ADAMTS2: variants seen among roughly 807,000 people sequenced by gnomAD.
ADAMTS2 encodes ADAM metallopeptidase with thrombospondin type 1 motif 2.
ADAMTS2 carries 50 observed loss-of-function variants against 123.0 expected under a neutral mutation model. The ratio of observed to expected loss-of-function variants is 0.41; its 90% CI spans 0.32 to 0.51. The LOEUF (loss-of-function observed/expected upper bound fraction) is 0.51, where lower values mean the gene tolerates loss of function less well. ADAMTS2 is among the 20% of genes least tolerant of loss of function. The pLI, the probability that ADAMTS2 is intolerant of heterozygous loss-of-function variation, is 0.35. For synonymous variants in ADAMTS2, 678 were observed against 695.4 expected, an observed-to-expected ratio of 0.98 and a Z score of 0.39; for missense variants, 1,494 against 1,705.2, an observed-to-expected ratio of 0.88 and a Z score of 2.18.
Position 179,242,844 on chromosome 5 carries a change from G to A in ADAMTS2, c.688+30067C>T, listed in dbSNP as rs1180271091. Reference sequence around the variant, plus strand: ...CATCTCCAACTCCCAGTGACAGAGGGTAACTCCCTGCTGAGTGTGACCGAA... The same window carrying A: ...CATCTCCAACTCCCAGTGACAGAGGATAACTCCCTGCTGAGTGTGACCGAA... On this transcript the variant is annotated intron_variant, in intron 3 of 21. Coordinates refer to ENST00000251582, the MANE Select transcript of ADAMTS2 (RefSeq NM_014244.5). This position sits in a 1 kb window ranked among gnomAD's most constrained non-coding sequence, Gnocchi z 4.2. Among the ~76,000 whole-genome samples the A allele has an allele frequency of 6.6e-6, 1 of 152,176 alleles. No homozygotes were observed. Among genetic ancestry groups the A allele is most frequent in the African/African-American group, 2.4e-5 (1 of 41,436 alleles).
At position 179,126,145 on chromosome 5, in the gene ADAMTS2, C is replaced by A; in HGVS notation, c.2618-15G>T. ...GAACTGGGACCCTGAAGGCAGAGAG[C>A]TCGACGGGGGTCGGTGGGGCAGCAT... On this transcript the variant is annotated splice_polypyrimidine_tract_variant and intron_variant, in intron 17 of 21. Coordinates refer to ENST00000251582, the MANE Select transcript of ADAMTS2 (RefSeq NM_014244.5). 6.2e-7 allele frequency: 1 copy of A among 1,613,060 alleles called. No homozygotes were observed. Among genetic ancestry groups the A allele is most frequent in the South Asian group, 1.1e-5 (1 of 91,084 alleles).
chr5:179,158,853 G>A lies in ADAMTS2; in HGVS notation c.1002C>T (p.Asn334=), dbSNP rs766934969. The A allele has an allele frequency of 6.2e-7, 1 of 1,614,180 alleles. No individual in the cohort carries two copies. Among genetic ancestry groups the A allele is most frequent in the Non-Finnish European group, 8.5e-7 (1 of 1,180,040 alleles). ...GKSMSLIEIG[N]PSQSLENVCR... is the part of the protein sequence containing the mutation. ...AGACATTCTCCAGGCTCTGAGAGGG[G>A]TTCCCGATCTCGATGAGGCTCATGG... is the stretch of plus-strand genomic sequence containing the variant. The change falls in exon 6 of 22, where the codon AAC becomes AAT. Residue 334 remains asparagine, a synonymous_variant. Coordinates refer to ENST00000251582, the MANE Select transcript of ADAMTS2 (RefSeq NM_014244.5). The surrounding 1 kb of genome is among the most constrained non-coding windows in gnomAD (Gnocchi z 5.0).
At chr5:179,148,041 T>C (rs1234314289) in intron 10 of ADAMTS2, among the ~76,000 whole-genome samples, 1 of 152,070 alleles carries the variant, frequency 6.6e-6, no homozygotes, top group African/African-American at 2.4e-5. Flanking sequence ...CGACTTCTGC[T>C]TCCCTCCCAA....
At position 179,207,631 on chromosome 5, in the gene ADAMTS2, C is replaced by A. The variant is rs1057524562; in HGVS notation, c.773G>T (p.Arg258Leu). 6.2e-7 allele frequency: 1 copy of A among 1,613,812 alleles called. No homozygotes were observed. The highest frequency in any genetic ancestry group is 8.5e-7 in the Non-Finnish European group (1 of 1,180,018). ...GTAGTCATCGTCCGCAGCATGCCTG[C>A]GTGCCCTCCGCCTCGAGCTGTTGGC... ...EHANSSRRRA[R>L]RHAADDDYNI... The change falls in exon 4 of 22, where the codon CGC becomes CTC. Residue 258 changes from arginine (R) to leucine (L), a missense_variant. Coordinates refer to ENST00000251582, the MANE Select transcript of ADAMTS2 (RefSeq NM_014244.5).
intron 2 of ADAMTS2, among the ~76,000 whole-genome samples, chr5:179,284,676 C>T (rs988415510): frequency 1.2e-4 from 19 of 152,154 alleles, no homozygotes; most frequent in African/African-American, 4.1e-4. Context: ...TGTGAACCAC[C>T]GTTCCCAGCC....
chr5:179,232,304 C>T (rs1279605562), intron 3 of ADAMTS2, among the ~76,000 whole-genome samples: 1 of 152,242 alleles, frequency 6.6e-6, no homozygotes, highest in Non-Finnish European at 1.5e-5. Flanking sequence ...CCCTGACAGA[C>T]AGAAACATCC....
rs564802156 is a variant in ADAMTS2, at chr5:179,272,607, G to A, written c.688+304C>T. ...CTCCACGACACTTGCTTGCCTTTAG[G>A]CAACAGAAGATGGGCCCTTGGACAG... On this transcript the variant is annotated intron_variant, in intron 3 of 21. Transcript: ENST00000251582. The surrounding 1 kb of genome is among the most constrained non-coding windows in gnomAD (Gnocchi z 5.8). 6.6e-6 allele frequency among the ~76,000 whole-genome samples: 1 copy of A among 152,280 alleles called. No homozygotes were observed. Among genetic ancestry groups the A allele is most frequent in the East Asian group, 1.9e-4 (1 of 5,156 alleles).
rs2113218858 is a variant in ADAMTS2, at chr5:179,137,932, C to T, written c.1788G>A (p.Gly596=). The change falls in exon 12 of 22, where the codon GGG becomes GGA. Residue 596 remains glycine, a synonymous_variant. Coordinates refer to ENST00000251582, the MANE Select transcript of ADAMTS2 (RefSeq NM_014244.5). ...AGGCAAGGCCCGAGCAGGTGCGGCC[C>T]CCGTTGGCCGGGCTGGAGGAGAAAG... ...RQCDNPHPAN[G]GRTCSGLAYD... is the part of the protein sequence containing the mutation. 6.5e-7 allele frequency: 1 copy of T among 1,547,808 alleles called. No individual in the cohort carries two copies. The highest frequency in any genetic ancestry group is 8.7e-7 in the Non-Finnish European group (1 of 1,147,820).
At chr5:179,146,466 C>G (rs116609635) in intron 10 of ADAMTS2, among the ~76,000 whole-genome samples, 1,671 of 152,342 alleles carry the variant, frequency 0.011, 35 homozygotes, top group African/African-American at 0.037. Context: ...ATGAGCAACG[C>G]TCAGTAGCAG....
At chr5:179,326,767 G>A (rs1390279717) in intron 2 of ADAMTS2, among the ~76,000 whole-genome samples, 1 of 152,084 alleles carries the variant, frequency 6.6e-6, no homozygotes, top group Non-Finnish European at 1.5e-5. Context: ...GAGGGAGGGA[G>A]CAGAAAACCA....
chr5:179,343,822 T>C lies in ADAMTS2; in HGVS notation c.479A>G (p.Asp160Gly). The C allele has an allele frequency of 1.9e-6, 3 of 1,610,136 alleles. No homozygotes were observed. The highest frequency in any genetic ancestry group is 2.5e-6 in the Non-Finnish European group (3 of 1,179,070). ...PLLGSCLYVG[D>G]VAGLAEASSV... is the part of the protein sequence containing the mutation. ...GGAGGCTTCGGCTAGGCCGGCCACGTCTCCGACGTAGAGACAGCTCCCGAG... is the reference window on the plus strand; with the variant it reads ...GGAGGCTTCGGCTAGGCCGGCCACGCCTCCGACGTAGAGACAGCTCCCGAG... Residue 160 changes from aspartate to glycine, a missense_variant, in exon 2 of 22, where the codon GAC becomes GGC. By Grantham distance (94) the Asp-to-Gly change is moderately conservative. Transcript: ENST00000251582.
At chr5:179,341,729 A>AAAG (rs61470569) in intron 2 of ADAMTS2, among the ~76,000 whole-genome samples, 33,122 of 143,852 alleles carry the variant, frequency 0.23, 4,176 homozygotes, top group Admixed American at 0.28. Context: ...AAAAAAAAAA[A>AAAG]AAAGAAAACA....
intron 2 of ADAMTS2, among the ~76,000 whole-genome samples, chr5:179,275,888 G>A (rs1412351215): frequency 2.0e-5 from 3 of 152,224 alleles, no homozygotes; most frequent in African/African-American, 7.2e-5. Context: ...CAAAGTGGGT[G>A]CCATTCTCCG....
chr5:179,265,265 C>A (rs1302971474), intron 3 of ADAMTS2, among the ~76,000 whole-genome samples: 9 of 152,254 alleles, frequency 5.9e-5, no homozygotes, highest in Admixed American at 5.2e-4. Flanking sequence ...AAGATCCAGG[C>A]CCTTGCCAGC....
At chr5:179,131,869 C>T (rs1204327372) in intron 15 of ADAMTS2, among the ~76,000 whole-genome samples, 1 of 152,248 alleles carries the variant, frequency 6.6e-6, no homozygotes, top group Non-Finnish European at 1.5e-5. Context: ...TGCCCAGGAC[C>T]CTGCTGCCTG....
In ADAMTS2 at chr5:179,338,087, A is replaced by G. The variant is rs569485964; in HGVS notation, c.534+5680T>C. Among the ~76,000 whole-genome samples, 17 of 152,312 alleles carry G rather than the reference A, an allele frequency of 1.1e-4. No homozygotes were observed. In the South Asian group the frequency reaches 3.5e-3, roughly 32 times the overall value. ...CCTGAATGAGCACATGGCCGCGCACATTTACCAGTGCCAGAAACATACCCA... is the reference window on the plus strand; with the variant it reads ...CCTGAATGAGCACATGGCCGCGCACGTTTACCAGTGCCAGAAACATACCCA... On this transcript the variant is annotated intron_variant, in intron 2 of 21. Coordinates refer to ENST00000251582, the MANE Select transcript of ADAMTS2 (RefSeq NM_014244.5).
chr5:179,311,103 T>C (rs1484176292), intron 2 of ADAMTS2, among the ~76,000 whole-genome samples: 1 of 150,478 alleles, frequency 6.6e-6, no homozygotes, highest in Admixed American at 6.6e-5. Context: ...GGAAACCATT[T>C]TTCCAGACAG....
chr5:179,151,136 A>G (rs1014763057), intron 10 of ADAMTS2: 1 of 384,084 alleles, frequency 2.6e-6, no homozygotes, highest in African/African-American at 2.1e-5. Context: ...ACCTCAGGCG[A>G]TCCACCTACC....
At chr5:179,264,889 A>ACAC (rs1382057436) in intron 3 of ADAMTS2, among the ~76,000 whole-genome samples, 1 of 151,448 alleles carries the variant, frequency 6.6e-6, no homozygotes, top group African/African-American at 2.4e-5. Flanking sequence ...GGAGCTGAGC[A>ACAC]CACTGACCCC....
Sources: gnomAD v4.1 joint callset for allele counts (sites outside exome capture counted in the v4.1 genomes callset) on GRCh38, gnomAD v4.1.1 for gene constraint, Gnocchi (gnomAD v3.1) non-coding constraint, MANE v1.5 for transcripts, NCBI Gene and HGNC (gene_info 2026-07-23, HGNC 2026-07-21) for gene names.